The following RIF1 variants were observed in gnomAD, a reference collection of about 807,000 sequenced individuals.
RIF1 encodes the protein replication timing regulatory factor 1, also known as telomere-associated protein RIF1.
Under a neutral mutation model 247.1 loss-of-function variants are expected in RIF1, and 45 were observed. The observed-to-expected ratio is 0.18, with a 90% CI of 0.14 to 0.23. RIF1 has a LOEUF of 0.23. Among genes scored for constraint, RIF1 ranks in the 10% least tolerant of loss-of-function variants. The probability of loss-of-function intolerance (pLI) is 1.00; values close to 1 mark genes in which losing one functional copy is unlikely to be tolerated. For synonymous variants in RIF1, 1,087 were observed against 978.8 expected (o/e 1.11, Z -2.06); for missense variants, 2,967 against 2,862.5 (o/e 1.04, Z -0.83).
At chr2:151,452,273 A>G (rs1364301682) in intron 21 of RIF1, among the ~76,000 whole-genome samples, 2 of 152,228 alleles carry the variant, frequency 1.3e-5, no homozygotes, top group African/African-American at 2.4e-5. Context: ...TGCCTTGGTT[A>G]GTTTTAAGTT....
At chr2:151,429,345 T>C (rs535236161) in intron 9 of RIF1, among the ~76,000 whole-genome samples, 1 of 152,088 alleles carries the variant, frequency 6.6e-6, no homozygotes, top group Non-Finnish European at 1.5e-5. Context: ...TACACCCGGC[T>C]AATTTGTGCA....
rs552439882 is a variant in RIF1, at chr2:151,490,090, G to C, written c.*416-5139G>C. On this transcript the variant is annotated intron_variant and NMD_transcript_variant, in intron 9 of 13. Transcript: ENST00000454583. The stretch of plus-strand genomic sequence containing the variant: ...GCATGTTTGTAAGCTGAAAAAAAGG[G>C]GGCAAATTCTTTATAAGAAGAAAAA... 2 of 1,579,888 alleles carry C rather than the reference G, an allele frequency of 1.3e-6. No individual in the cohort carries two copies. Among genetic ancestry groups the C allele is most frequent in the African/African-American group, 2.7e-5 (2 of 73,712 alleles).
chr2:151,471,896 A>G (rs1450216465), intron 34 of RIF1, among the ~76,000 whole-genome samples: 1 of 152,098 alleles, frequency 6.6e-6, no homozygotes, highest in East Asian at 1.9e-4. Context: ...GTTTTTTCCA[A>G]TTCTGTGAAG....
the RIF1 span, among the ~76,000 whole-genome samples, chr2:151,529,764 G>T: frequency 6.6e-6 from 1 of 152,144 alleles, no homozygotes; most frequent in Non-Finnish European, 1.5e-5. Flanking sequence ...CGTGACCTCA[G>T]GTGATCCCGC....
intron 11 of RIF1, among the ~76,000 whole-genome samples, chr2:151,501,831 AGAG>A (rs1439337949): frequency 8.8e-5 from 13 of 146,950 alleles, no homozygotes; most frequent in Non-Finnish European, 4.6e-5. Flanking sequence ...AACCAAAGAA[AGAG>A]GAGAGAGAGA....
chr2:151,469,642 G>C (rs1697496905), intron 33 of RIF1, 69 bp from the exon 34 acceptor site: 1 of 1,209,044 alleles, frequency 8.3e-7, no homozygotes, highest in Non-Finnish European at 1.1e-6. Context: ...AATTGAACTG[G>C]ATAAACCCTT....
chr2:151,526,313 A>G, the RIF1 span: 5 of 1,240,002 alleles, frequency 4.0e-6, no homozygotes, highest in Non-Finnish European at 3.5e-6. Flanking sequence ...GATATCCTAC[A>G]TATTTTTATT....
chr2:151,439,928 G>A (rs376662886), intron 14 of RIF1, 99 bp from the exon 15 acceptor site: 18 of 583,332 alleles, frequency 3.1e-5, no homozygotes, highest in Middle Eastern at 4.8e-4. Context: ...AGCCAAGGTT[G>A]TGCCCCTGTA....
Position 151,420,255 on chromosome 2 carries a change from C to T in RIF1, c.569C>T (p.Pro190Leu), listed in dbSNP as rs1456237551. ...GTGAGGTGGGCAAAACTGGTCATAC[C>T]TTTAGTGGTTCATTCAGCACAAAAG... ...EAVRWAKLVI[P>L]LVVHSAQKVH... is the part of the protein sequence containing the mutation. The change falls in exon 7 of 36, where the codon CCT (proline) becomes CTT (leucine). Residue 190 changes from proline to leucine, a missense_variant. By Grantham distance (98) the Pro-to-Leu change is moderately conservative (BLOSUM62 -3). Around this residue, in one of 7 missense-constraint regions of RIF1, gnomAD observed 269 missense variants for 288.6 expected, o/e 0.93. Coordinates refer to ENST00000444746, the MANE Select transcript of RIF1 (RefSeq NM_018151.5). 5.6e-6 allele frequency: 9 copies of T among 1,614,072 alleles called. No homozygotes were observed. Among genetic ancestry groups the T allele is most frequent in the Non-Finnish European group, 7.6e-6 (9 of 1,180,004 alleles).
Position 151,480,605 on chromosome 2 carries a change from A to G in RIF1, c.*5534A>G, listed in dbSNP as rs573104542. 4.3e-4 allele frequency: 66 copies of G among 152,344 alleles called. No individual in the cohort carries two copies. The highest frequency in any genetic ancestry group is 1.1e-3 in the African/African-American group (46 of 41,588). 9.4% of individuals were successfully genotyped at this position (152,344 alleles called of 1,614,324 possible). On this transcript the variant is annotated 3_prime_UTR_variant, in exon 36 of 36. Coordinates refer to ENST00000444746, the MANE Select transcript of RIF1 (RefSeq NM_018151.5). Reference sequence around the variant, plus strand: ...ATACTCCCACAAAAGCAGTAAGTTAATAAGTATTTCCAACAAAAGGCAGCT... The same window carrying G: ...ATACTCCCACAAAAGCAGTAAGTTAGTAAGTATTTCCAACAAAAGGCAGCT...
chr2:151,515,694 T>C, the RIF1 span, among the ~76,000 whole-genome samples: 1 of 152,206 alleles, frequency 6.6e-6, no homozygotes, highest in African/African-American at 2.4e-5. Context: ...GTTATTTTAA[T>C]AGAATTTTAA....
At chr2:151,466,422 TATC>T (rs920200797) in intron 30 of RIF1, among the ~76,000 whole-genome samples, 1 of 152,214 alleles carries the variant, frequency 6.6e-6, no homozygotes, top group African/African-American at 2.4e-5. Context: ...CATACCATAA[TATC>T]ATATGAGGAA....
chr2:151,417,214 A>G (rs1026590107), intron 6 of RIF1, among the ~76,000 whole-genome samples: 2 of 152,234 alleles, frequency 1.3e-5, no homozygotes, highest in Admixed American at 1.3e-4. Flanking sequence ...ATGTAAACTC[A>G]TAAGTGGGCT....
the RIF1 span, among the ~76,000 whole-genome samples, chr2:151,522,881 C>A: frequency 6.6e-6 from 1 of 152,190 alleles, no homozygotes; most frequent in African/African-American, 2.4e-5. Flanking sequence ...GGAAAGCCCA[C>A]ACACAGCTGA....
At chr2:151,525,171 G>T in the RIF1 span, 9 of 1,612,538 alleles carry the variant, frequency 5.6e-6, no homozygotes, top group African/African-American at 4.0e-5. Flanking sequence ...ACATCACTTT[G>T]CTTCTTGGCC....
chr2:151,485,804 C>T (rs751394716), downstream of RIF1: 16 of 1,613,382 alleles, frequency 9.9e-6, no homozygotes, highest in East Asian at 2.7e-4. Flanking sequence ...CCGGTCCTGC[C>T]AGTCCTCTGC....
intron 14 of RIF1, among the ~76,000 whole-genome samples, chr2:151,439,060 G>A (rs748472499): frequency 3.0e-4 from 46 of 152,188 alleles, no homozygotes; most frequent in Non-Finnish European, 2.2e-4. Flanking sequence ...TATACGTTAT[G>A]TGCATTATAT....
chr2:151,495,565 C>G (rs932396121), intron 10 of RIF1, among the ~76,000 whole-genome samples: 1 of 152,156 alleles, frequency 6.6e-6, no homozygotes, highest in Non-Finnish European at 1.5e-5. Context: ...CTGCAAACCT[C>G]AATCCCTAGG....
Position 151,462,966 on chromosome 2 carries a change from C to G in RIF1, c.3446C>G (p.Ser1149Cys), listed in dbSNP as rs371633107. Residue 1149 changes from serine (S) to cysteine (C), a missense_variant, in exon 30 of 36, where the codon TCC becomes TGC. Physicochemically the swap from Ser to Cys is moderately radical, Grantham distance 112. Transcript: ENST00000444746. ...CGMAEHLEKS[S>C]LSNNECGSLD... Reference sequence around the variant, plus strand: ...ATGGCTGAACATCTTGAAAAGTCCTCCCTTTCGAATAATGAGTGTGGTTCT... The same window carrying G: ...ATGGCTGAACATCTTGAAAAGTCCTGCCTTTCGAATAATGAGTGTGGTTCT... The G allele has an allele frequency of 1.2e-6, 2 of 1,613,892 alleles. No individual in the cohort carries two copies. Among genetic ancestry groups the G allele is most frequent in the East Asian group, 2.2e-5 (1 of 44,884 alleles).
Sources: gnomAD v4.1 joint callset for allele counts (sites outside exome capture counted in the v4.1 genomes callset) on GRCh38, gnomAD v4.1.1 for gene constraint, gnomAD v4.1.1 regional missense constraint, MANE v1.5 for transcripts, NCBI Gene and HGNC (gene_info 2026-07-23, HGNC 2026-07-21) for gene names.